The following IMMP2L variants were observed in gnomAD, a reference collection of about 807,000 sequenced individuals.
IMMP2L encodes the protein inner mitochondrial membrane peptidase subunit 2.
Under a neutral mutation model 19.3 loss-of-function variants are expected in IMMP2L, and 18 were observed. That is an observed-to-expected ratio of 0.93 (90% CI 0.64 to 1.38). IMMP2L has a LOEUF of 1.38. Among genes scored for constraint, IMMP2L ranks in the 40% most tolerant of loss-of-function variants. IMMP2L has a pLI of 0.00. For synonymous variants in IMMP2L, 76 were observed against 73.0 expected (o/e 1.04, Z -0.21); for missense variants, 233 against 218.2 (o/e 1.07, Z -0.43).
chr7:111,266,982 C>T (rs1296252960), intron 3 of IMMP2L, among the ~76,000 whole-genome samples: 3 of 152,152 alleles, frequency 2.0e-5, no homozygotes, highest in Non-Finnish European at 4.4e-5. Flanking sequence ...TCTACCCTAG[C>T]TTTCCCATGA....
At chr7:111,169,767 T>C (rs1211472806) in intron 3 of IMMP2L, among the ~76,000 whole-genome samples, 1 of 151,874 alleles carries the variant, frequency 6.6e-6, no homozygotes, top group Non-Finnish European at 1.5e-5. Flanking sequence ...TACTGACAAT[T>C]AGGACTTCAT....
At chr7:111,492,628 G>A (rs545115827) in intron 2 of IMMP2L, among the ~76,000 whole-genome samples, 1 of 152,056 alleles carries the variant, frequency 6.6e-6, no homozygotes, top group Non-Finnish European at 1.5e-5. Flanking sequence ...TTTTAACTTC[G>A]TCTTTCCCTT....
chr7:111,281,216 A>AAAAGAAAG lies in IMMP2L; in HGVS notation c.239+206014_239+206021dup, dbSNP rs1177782720. Among the ~76,000 whole-genome samples the AAAAGAAAG allele has an allele frequency of 1.5e-4, 6 of 38,762 alleles. 1 individual carries two copies. The highest frequency in any genetic ancestry group is 8.1e-4 in the East Asian group (1 of 1,232). The allele number at this position is 38,762 out of a possible 152,430, so 25.4% of individuals were successfully genotyped here. On this transcript the variant is annotated intron_variant, in intron 3 of 5. Transcript: ENST00000405709. ...AAAGAAAGAAAGAAAGAAAGAAAGA[A>AAAAGAAAG]AAAGAAAGAAAGAAAGAAAGAAAGA...
At chr7:110,982,020 G>C (rs570283646) in intron 3 of IMMP2L, among the ~76,000 whole-genome samples, 1 of 152,188 alleles carries the variant, frequency 6.6e-6, no homozygotes, top group South Asian at 2.1e-4. Context: ...ATTTTATTAG[G>C]ACATTTAAGG....
chr7:111,463,176 CGTGT>C (rs200916257), intron 3 of IMMP2L, among the ~76,000 whole-genome samples: 2 of 149,574 alleles, frequency 1.3e-5, no homozygotes, highest in Non-Finnish European at 1.5e-5. Flanking sequence ...CATCATCTTC[CGTGT>C]GTGTGTGTGT....
At chr7:110,919,462 T>C (rs1020747918) in intron 4 of IMMP2L, among the ~76,000 whole-genome samples, 2 of 152,200 alleles carry the variant, frequency 1.3e-5, no homozygotes, top group African/African-American at 4.8e-5. Flanking sequence ...ACCTTTCTCA[T>C]AGAGACTCTA....
At chr7:111,060,663 G>C (rs923001380) in intron 3 of IMMP2L, among the ~76,000 whole-genome samples, 12 of 152,196 alleles carry the variant, frequency 7.9e-5, no homozygotes, top group African/African-American at 2.9e-4. Context: ...ATCCATCTTA[G>C]TGTTTTTGCA....
chr7:111,062,435 G>T (rs1371038147), intron 3 of IMMP2L, among the ~76,000 whole-genome samples: 1 of 152,112 alleles, frequency 6.6e-6, no homozygotes, highest in Admixed American at 6.5e-5. Flanking sequence ...AGATTTGGGT[G>T]GGGACACAGA....
At chr7:111,408,802 C>T (rs1295725321) in intron 3 of IMMP2L, among the ~76,000 whole-genome samples, 2 of 151,592 alleles carry the variant, frequency 1.3e-5, no homozygotes, top group Non-Finnish European at 2.9e-5. Flanking sequence ...AAATGATCAG[C>T]AAGCCTGACA....
intron 3 of IMMP2L, among the ~76,000 whole-genome samples, chr7:111,465,761 G>C (rs1050613731): frequency 9.9e-5 from 15 of 152,244 alleles, no homozygotes; most frequent in Admixed American, 4.6e-4. Flanking sequence ...GTGGAAGTCA[G>C]TGTGGTGATT....
At chr7:110,827,841 A>G (rs1054036654) in intron 5 of IMMP2L, among the ~76,000 whole-genome samples, 4 of 152,176 alleles carry the variant, frequency 2.6e-5, no homozygotes, top group African/African-American at 9.6e-5. Context: ...TCAAGAATAT[A>G]TTATGAAGAT....
chr7:110,918,628 G>A (rs1476006934), intron 4 of IMMP2L, among the ~76,000 whole-genome samples: 1 of 151,376 alleles, frequency 6.6e-6, no homozygotes, highest in Non-Finnish European at 1.5e-5. Flanking sequence ...GCTAATTTTT[G>A]TATTTTTAGT....
At chr7:111,225,861 A>G (rs1813032283) in intron 3 of IMMP2L, among the ~76,000 whole-genome samples, 1 of 152,104 alleles carries the variant, frequency 6.6e-6, no homozygotes, top group Non-Finnish European at 1.5e-5. Context: ...AGACTTGTTA[A>G]GTGTTCTTAT....
At chr7:111,469,477 TG>T (rs1004420522) in intron 3 of IMMP2L, among the ~76,000 whole-genome samples, 1 of 152,108 alleles carries the variant, frequency 6.6e-6, no homozygotes, top group Non-Finnish European at 1.5e-5. Context: ...TCATGTCCCT[TG>T]TAAGTTGGAT....
chr7:110,721,104 C>A (rs181388664), intron 5 of IMMP2L, among the ~76,000 whole-genome samples: 33 of 151,316 alleles, frequency 2.2e-4, no homozygotes, highest in African/African-American at 7.8e-4. Flanking sequence ...AAATTACCAT[C>A]CTACACCCAT....
chr7:110,792,939 A>C (rs2131159285), intron 5 of IMMP2L, among the ~76,000 whole-genome samples: 1 of 152,176 alleles, frequency 6.6e-6, no homozygotes, highest in South Asian at 2.1e-4. Context: ...ACATGGATAA[A>C]ACTGGGGGGC....
intron 3 of IMMP2L, among the ~76,000 whole-genome samples, chr7:111,251,260 C>T (rs1210784481): frequency 6.6e-6 from 1 of 151,960 alleles, no homozygotes; most frequent in Non-Finnish European, 1.5e-5. Context: ...AAATGATGGC[C>T]AGATTGCAGA....
intron 3 of IMMP2L, among the ~76,000 whole-genome samples, chr7:111,168,873 A>G (rs773376811): frequency 3.9e-5 from 6 of 152,004 alleles, no homozygotes; most frequent in Non-Finnish European, 8.8e-5. Context: ...AAGGAGTACC[A>G]TAAGAAAGTA....
At chr7:110,790,074 T>C (rs956085899) in intron 5 of IMMP2L, among the ~76,000 whole-genome samples, 1 of 151,646 alleles carries the variant, frequency 6.6e-6, no homozygotes, top group African/African-American at 2.4e-5. Context: ...GATATAAACT[T>C]TGTCTTGTTG....
Sources: gnomAD v4.1 joint callset for allele counts (sites outside exome capture counted in the v4.1 genomes callset) on GRCh38, gnomAD v4.1.1 for gene constraint, MANE v1.5 for transcripts, NCBI Gene and HGNC (gene_info 2026-07-23, HGNC 2026-07-21) for gene names.